CYP27A1: variants seen among roughly 807,000 people sequenced by gnomAD.
CYP27A1 encodes the protein sterol 26-hydroxylase, mitochondrial.
In CYP27A1, 46 loss-of-function variants were observed where a neutral mutation model predicts 58.2. The ratio of observed to expected loss-of-function variants is 0.79; its 90% CI spans 0.62 to 1.01. The LOEUF (loss-of-function observed/expected upper bound fraction) is 1.01, where lower values mean the gene tolerates loss of function less well. Among genes scored for constraint, CYP27A1 ranks in the 50% least tolerant of loss-of-function variants. CYP27A1 has a pLI of 0.00. For missense variants in CYP27A1, 704 were observed against 687.0 expected, an observed-to-expected ratio of 1.02 and a Z score of -0.28; for synonymous variants, 274 against 285.1, an observed-to-expected ratio of 0.96 and a Z score of 0.39.
chr2:218,786,230 C>T (rs1284972818), intron 1 of CYP27A1, among the ~76,000 whole-genome samples: 15 of 152,156 alleles, frequency 9.9e-5, no homozygotes, highest in Admixed American at 8.5e-4. Flanking sequence ...CATGAGCCCA[C>T]GATAGTGGCC....
intron 1 of CYP27A1, among the ~76,000 whole-genome samples, chr2:218,786,346 G>A (rs1045725413): frequency 1.3e-5 from 2 of 152,206 alleles, no homozygotes; most frequent in Non-Finnish European, 2.9e-5. Context: ...ACACAAAGGG[G>A]AGGACGGCAA....
At chr2:218,809,312 G>T (rs2105978606) in intron 1 of CYP27A1, among the ~76,000 whole-genome samples, 1 of 152,076 alleles carries the variant, frequency 6.6e-6, no homozygotes, top group South Asian at 2.1e-4. Context: ...CTCCTCCAAG[G>T]ACCTCAATGC....
At chr2:218,796,108 C>T (rs761054994) in intron 1 of CYP27A1, among the ~76,000 whole-genome samples, 1 of 147,802 alleles carries the variant, frequency 6.8e-6, no homozygotes, top group Non-Finnish European at 1.5e-5. Flanking sequence ...ACTGTGTAGT[C>T]GAGGGTATAA....
chr2:218,805,379 T>C (rs1265377169), intron 1 of CYP27A1, among the ~76,000 whole-genome samples: 2 of 152,232 alleles, frequency 1.3e-5, no homozygotes, highest in Admixed American at 6.5e-5. Flanking sequence ...GAGTGTCTTA[T>C]TAATGTGCTT....
intron 2 of CYP27A1, among the ~76,000 whole-genome samples, chr2:218,811,344 T>G (rs765803451): frequency 6.6e-6 from 1 of 152,234 alleles, no homozygotes; most frequent in Non-Finnish European, 1.5e-5. Context: ...GGTAGGATTT[T>G]GTCTCCTCTT....
At chr2:218,795,379 T>C (rs115553805) in intron 1 of CYP27A1, among the ~76,000 whole-genome samples, 4,712 of 152,268 alleles carry the variant, frequency 0.031, 224 homozygotes, top group African/African-American at 0.1. Flanking sequence ...AACTGTGGAA[T>C]CGAGTCCTCC....
At chr2:218,800,913 C>T (rs923075088) in intron 1 of CYP27A1, among the ~76,000 whole-genome samples, 7 of 152,136 alleles carry the variant, frequency 4.6e-5, no homozygotes, top group Non-Finnish European at 1.0e-4. Context: ...AATAAACACA[C>T]TTATATAACA....
chr2:218,812,977 G>T lies in CYP27A1; in HGVS notation c.898G>T (p.Ala300Ser), dbSNP rs1943740361. ...LEDMEAQLQA[A>S]GPDGIQVSGY... Reference sequence around the variant, plus strand: ...AGATATGGAGGCCCAACTGCAGGCAGCAGGGCCAGATGGCATCCAGGTGTC... The same window carrying T: ...AGATATGGAGGCCCAACTGCAGGCATCAGGGCCAGATGGCATCCAGGTGTC... The change falls in exon 5 of 9, where the codon GCA becomes TCA. Residue 300 changes from alanine (A) to serine (S), a missense_variant. By Grantham distance (99) the Ala-to-Ser change is moderately conservative. Coordinates refer to ENST00000258415, the MANE Select transcript of CYP27A1 (RefSeq NM_000784.4). 1 of 1,614,254 alleles carries T rather than the reference G, an allele frequency of 6.2e-7. No individual in the cohort carries two copies. The highest frequency in any genetic ancestry group is 8.5e-7 in the Non-Finnish European group (1 of 1,180,038).
Position 218,811,728 on chromosome 2 carries a change from C to T in CYP27A1, c.447-494C>T, listed in dbSNP as rs112113081. Among the ~76,000 whole-genome samples, 644 of 152,338 alleles carry T rather than the reference C, an allele frequency of 4.2e-3. 2 individuals carry two copies. Among genetic ancestry groups the T allele is most frequent in the African/African-American group, 0.014 (602 of 41,584 alleles). On this transcript the variant is annotated intron_variant, in intron 2 of 8. Coordinates refer to ENST00000258415, the MANE Select transcript of CYP27A1 (RefSeq NM_000784.4). ...CCTAACTTGGTCCTCCTTTATTCCTCAGCCTCTGCAGCTCCCCCTTATTTG... is the reference window on the plus strand; with the variant it reads ...CCTAACTTGGTCCTCCTTTATTCCTTAGCCTCTGCAGCTCCCCCTTATTTG...
At chr2:218,809,056 C>A (rs10206109) in intron 1 of CYP27A1, among the ~76,000 whole-genome samples, 1 of 151,972 alleles carries the variant, frequency 6.6e-6, no homozygotes, top group Non-Finnish European at 1.5e-5. Context: ...TATTTTTGGA[C>A]CCTGACTTTC....
At chr2:218,792,907 C>T (rs527639922) in intron 1 of CYP27A1, among the ~76,000 whole-genome samples, 1 of 152,160 alleles carries the variant, frequency 6.6e-6, no homozygotes, top group South Asian at 2.1e-4. Flanking sequence ...TCTGTAGCAT[C>T]CCAAAGTTAA....
chr2:218,792,731 T>C (rs551575156), intron 1 of CYP27A1, among the ~76,000 whole-genome samples: 5 of 152,292 alleles, frequency 3.3e-5, no homozygotes, highest in African/African-American at 1.2e-4. Context: ...TAAATATACA[T>C]TAGAATTTTA....
intron 1 of CYP27A1, among the ~76,000 whole-genome samples, chr2:218,800,111 C>T (rs146024268): frequency 1.6e-3 from 238 of 152,292 alleles, no homozygotes; most frequent in African/African-American, 5.5e-3. Flanking sequence ...TGTTCTGCGA[C>T]TCTTTTCTGA....
chr2:218,804,480 T>C (rs1364951293), intron 1 of CYP27A1, among the ~76,000 whole-genome samples: 1 of 152,254 alleles, frequency 6.6e-6, no homozygotes, highest in Non-Finnish European at 1.5e-5. Context: ...AAAATGGGAA[T>C]GTTCCAACAT....
rs971226204 is a variant in CYP27A1, at chr2:218,790,943, TGCCTGCCTCA to T, written c.255+8511_255+8520del. The stretch of plus-strand genomic sequence containing the variant: ...GTCTCGATCTCCTGACCTCGTGATC[TGCCTGCCTCA>T]GCCTCCCAAAGTGCTGGGATTACAG... On this transcript the variant is annotated intron_variant, in intron 1 of 8. Coordinates refer to ENST00000258415, the MANE Select transcript of CYP27A1 (RefSeq NM_000784.4). 2.8e-3 allele frequency among the ~76,000 whole-genome samples: 431 copies of T among 152,120 alleles called. 2 individuals are homozygous for T. The highest frequency in any genetic ancestry group is 9.3e-3 in the African/African-American group (387 of 41,498).
Position 218,809,737 on chromosome 2 carries a change from A to G in CYP27A1, c.416A>G (p.Gln139Arg), listed in dbSNP as rs1253807962. 1 of 1,614,022 alleles carries G rather than the reference A, an allele frequency of 6.2e-7. No individual in the cohort carries two copies. The highest frequency in any genetic ancestry group is 1.3e-5 in the African/African-American group (1 of 75,038). Residue 139 changes from glutamine (Q) to arginine (R), a missense_variant, in exon 2 of 9, where the codon CAG becomes CGG. Coordinates refer to ENST00000258415, the MANE Select transcript of CYP27A1 (RefSeq NM_000784.4). The part of the protein sequence containing the change: ...DMELWKEHRD[Q>R]HDLTYGPFTT... ...GAGCTATGGAAGGAGCACCGGGACC[A>G]GCACGACCTGACCTATGGGCCGTTC... is the stretch of plus-strand genomic sequence containing the variant.
chr2:218,802,629 A>T (rs1374011229), intron 1 of CYP27A1, among the ~76,000 whole-genome samples: 1 of 152,228 alleles, frequency 6.6e-6, no homozygotes, highest in Non-Finnish European at 1.5e-5. Context: ...TAGAAAAGAG[A>T]GACAGCCGAT....
At chr2:218,796,163 C>T (rs966983361) in intron 1 of CYP27A1, among the ~76,000 whole-genome samples, 4 of 152,178 alleles carry the variant, frequency 2.6e-5, no homozygotes, top group Non-Finnish European at 5.9e-5. Flanking sequence ...CTTGGCAAGT[C>T]GAGCTTGACT....
At chr2:218,787,649 G>A in intron 1 of CYP27A1, among the ~76,000 whole-genome samples, 1 of 152,098 alleles carries the variant, frequency 6.6e-6, no homozygotes, top group East Asian at 1.9e-4. Flanking sequence ...TCATGGGAGT[G>A]GTTACTGATA....
Sources: allele counts gnomAD v4.1 joint callset (sites outside exome capture counted in the v4.1 genomes callset), GRCh38; gene constraint gnomAD v4.1.1; transcripts MANE v1.5; gene names NCBI Gene and HGNC (gene_info 2026-07-23, HGNC 2026-07-21).